Variants in CALN1 observed in about 807,000 individuals in gnomAD.
CALN1 encodes calcium-binding protein 8.
In CALN1, 17 loss-of-function variants were observed where a neutral mutation model predicts 30.6. The ratio of observed to expected loss-of-function variants is 0.56; its 90% CI spans 0.38 to 0.83. The LOEUF (loss-of-function observed/expected upper bound fraction) is 0.83, where lower values mean the gene tolerates loss of function less well. Ranked by LOEUF, CALN1 falls within the 40% of genes least tolerant of loss-of-function variation. The pLI, the probability that CALN1 is intolerant of heterozygous loss-of-function variation, is 0.00. For missense variants in CALN1, 291 were observed against 354.9 expected (o/e 0.82, Z 1.45); for synonymous variants, 156 against 131.4 (o/e 1.19, Z -1.28).
At chr7:71,962,228 A>C (rs1418654532) in intron 5 of CALN1, among the ~76,000 whole-genome samples, 1 of 48,568 alleles carries the variant, frequency 2.1e-5, no homozygotes, top group South Asian at 8.0e-4. Flanking sequence ...CCCCATCTCT[A>C]AAAAAAAAAA....
intron 5 of CALN1, among the ~76,000 whole-genome samples, chr7:71,929,683 G>C (rs1795448364): frequency 6.6e-6 from 1 of 152,186 alleles, no homozygotes; most frequent in Non-Finnish European, 1.5e-5. Flanking sequence ...TTTGGCTATT[G>C]TGAACAATGC....
intron 3 of CALN1, among the ~76,000 whole-genome samples, chr7:72,116,614 C>T (rs148890771): frequency 5.3e-5 from 8 of 152,124 alleles, no homozygotes; most frequent in African/African-American, 1.2e-4. Flanking sequence ...CTAGCACTAG[C>T]GGCCAGCCAT....
At chr7:72,299,961 G>A (rs916863210) in intron 2 of CALN1, among the ~76,000 whole-genome samples, 6 of 151,948 alleles carry the variant, frequency 3.9e-5, no homozygotes, top group Admixed American at 1.3e-4. Flanking sequence ...GCAGTGGCAC[G>A]ATCTCTGCCT....
chr7:72,152,670 A>C (rs987730765), intron 3 of CALN1, among the ~76,000 whole-genome samples: 1 of 152,260 alleles, frequency 6.6e-6, no homozygotes, highest in Middle Eastern at 3.4e-3. Flanking sequence ...CTCCAGGAAA[A>C]TTCAGGTCCT....
At chr7:72,271,852 AG>A (rs1304023044) in intron 3 of CALN1, among the ~76,000 whole-genome samples, 1 of 151,828 alleles carries the variant, frequency 6.6e-6, no homozygotes, top group Non-Finnish European at 1.5e-5. Context: ...ACCTGAGGTC[AG>A]GAATTCAAGA....
chr7:71,859,309 C>T (rs775059714), intron 5 of CALN1, among the ~76,000 whole-genome samples: 14 of 152,086 alleles, frequency 9.2e-5, no homozygotes, highest in Admixed American at 2.0e-4. Context: ...GCAATCTGCC[C>T]GCCTCAGCCT....
chr7:71,875,160 C>CAAAAAAA (rs3063970), intron 5 of CALN1, among the ~76,000 whole-genome samples: 2 of 68,728 alleles, frequency 2.9e-5, no homozygotes, highest in Non-Finnish European at 5.4e-5. Flanking sequence ...GACTCTGTCT[C>CAAAAAAA]AAAAAAAAAA....
At chr7:71,795,811 A>ATTTTTT (rs1584233372) in intron 6 of CALN1, among the ~76,000 whole-genome samples, 4 of 111,564 alleles carry the variant, frequency 3.6e-5, no homozygotes, top group African/African-American at 1.7e-4. Context: ...CCAGTACTTC[A>ATTTTTT]TTCTTTTTTT....
At chr7:72,476,453 C>T in the CALN1 span, among the ~76,000 whole-genome samples, 2 of 152,090 alleles carry the variant, frequency 1.3e-5, no homozygotes, top group Admixed American at 6.6e-5. Flanking sequence ...GTGTGTAAAT[C>T]GTTGATAACC....
At chr7:71,789,548 G>A (rs1290301656) in intron 6 of CALN1, among the ~76,000 whole-genome samples, 4 of 152,134 alleles carry the variant, frequency 2.6e-5, no homozygotes, top group Admixed American at 1.3e-4. Flanking sequence ...TTGGGGAAGT[G>A]GGGATTGCTT....
At chr7:72,093,270 CCCTG>C (rs1323153675) in intron 4 of CALN1, among the ~76,000 whole-genome samples, 2 of 152,138 alleles carry the variant, frequency 1.3e-5, no homozygotes, top group East Asian at 1.9e-4. Flanking sequence ...TTTTGGTAAA[CCCTG>C]CCTAAGAAAA....
chr7:72,425,923 C>G (rs1285819964), intron 1 of CALN1, among the ~76,000 whole-genome samples: 1 of 152,130 alleles, frequency 6.6e-6, no homozygotes, highest in Non-Finnish European at 1.5e-5. Context: ...TCAAACTCCT[C>G]CTCATCCCAG....
At chr7:72,289,443 T>C (rs1798322208) in intron 2 of CALN1, among the ~76,000 whole-genome samples, 1 of 152,210 alleles carries the variant, frequency 6.6e-6, no homozygotes, top group Non-Finnish European at 1.5e-5. Context: ...ATTTGCAATA[T>C]AGACATGAGG....
chr7:72,369,341 A>ATTTATAATATATATAAT (rs1562927639), intron 2 of CALN1, among the ~76,000 whole-genome samples: 4 of 101,274 alleles, frequency 3.9e-5, no homozygotes, highest in African/African-American at 1.5e-4. Flanking sequence ...ATTTATAAAT[A>ATTTATAATATATATAAT]TTATAAATAT....
At chr7:71,898,329 A>C (rs1298114160) in intron 5 of CALN1, among the ~76,000 whole-genome samples, 1 of 152,102 alleles carries the variant, frequency 6.6e-6, no homozygotes. Flanking sequence ...GACTCCATCT[A>C]AAAAAAGAAA....
At chr7:72,487,312 AC>A in the CALN1 span, among the ~76,000 whole-genome samples, 1 of 152,082 alleles carries the variant, frequency 6.6e-6, no homozygotes. Context: ...AAAGTTTAAC[AC>A]GTGTGAAAAA....
At chr7:72,046,189 G>T (rs1055317280) in intron 4 of CALN1, among the ~76,000 whole-genome samples, 1 of 151,782 alleles carries the variant, frequency 6.6e-6, no homozygotes, top group African/African-American at 2.4e-5. Context: ...GGTACATGCC[G>T]ACAGTCACAG....
chr7:72,298,830 T>A, intron 2 of CALN1, among the ~76,000 whole-genome samples: 1 of 147,702 alleles, frequency 6.8e-6, no homozygotes, highest in South Asian at 2.1e-4. Context: ...AGGGGAGGGG[T>A]GCGGAGTTTC....
chr7:71,908,564 A>C (rs545491919), intron 5 of CALN1, among the ~76,000 whole-genome samples: 2 of 152,186 alleles, frequency 1.3e-5, no homozygotes, highest in Non-Finnish European at 2.9e-5. Context: ...ATTCACGAGA[A>C]AAGTAGATAT....
Sources: gnomAD v4.1 joint callset for allele counts (sites outside exome capture counted in the v4.1 genomes callset) on GRCh38, gnomAD v4.1.1 for gene constraint, MANE v1.5 for transcripts, NCBI Gene and HGNC (gene_info 2026-07-23, HGNC 2026-07-21) for gene names.